The following PDE2A variants were observed in gnomAD, a reference collection of about 807,000 sequenced individuals.
PDE2A encodes phosphodiesterase 2A, also known as cGMP-dependent 3',5'-cyclic phosphodiesterase.
A neutral mutation model predicts 133.6 loss-of-function variants in PDE2A; 53 were observed. That is an observed-to-expected ratio of 0.40 (90% CI 0.32 to 0.50). The LOEUF is 0.50. Ranked by LOEUF, PDE2A falls within the 20% of genes least tolerant of loss-of-function variation. PDE2A has a pLI of 0.73. For synonymous variants in PDE2A, 491 were observed against 490.2 expected (o/e 1.00, Z -0.02); for missense variants, 796 against 1,232.4 (o/e 0.65, Z 5.30).
At chr11:72,665,860 T>A (rs1315863450) in intron 1 of PDE2A, among the ~76,000 whole-genome samples, 1 of 149,820 alleles carries the variant, frequency 6.7e-6, no homozygotes, top group Non-Finnish European at 1.5e-5. Flanking sequence ...CAAAGAGAGA[T>A]AACAGAGAAA....
intron 2 of PDE2A, among the ~76,000 whole-genome samples, chr11:72,633,902 G>A (rs1282719597): frequency 6.6e-6 from 1 of 152,196 alleles, no homozygotes; most frequent in Non-Finnish European, 1.5e-5. Flanking sequence ...GATGCCAAGG[G>A]CAGTGTGCAC....
chr11:72,614,682 T>C (rs1857374431), intron 2 of PDE2A, among the ~76,000 whole-genome samples: 1 of 152,216 alleles, frequency 6.6e-6, no homozygotes, highest in African/African-American at 2.4e-5. Flanking sequence ...ACTGACACTA[T>C]CTTGGATCCT....
chr11:72,577,662 G>A (rs947509981), intron 30 of PDE2A, 68 bp from the exon 31 acceptor site: 4 of 1,140,134 alleles, frequency 3.5e-6, no homozygotes, highest in Non-Finnish European at 5.2e-6. Flanking sequence ...GAAAGACTAG[G>A]GCTACACAAC....
intron 1 of PDE2A, chr11:72,643,006 G>A (rs949171448): frequency 1.7e-4 from 26 of 154,518 alleles, no homozygotes; most frequent in Admixed American, 1.6e-3. Flanking sequence ...GCGCACACAC[G>A]GCGGCCGCCA....
intron 4 of PDE2A, among the ~76,000 whole-genome samples, chr11:72,602,587 C>T (rs1429695978): frequency 6.6e-6 from 1 of 152,160 alleles, no homozygotes; most frequent in African/African-American, 2.4e-5. Context: ...TGTACCCAAC[C>T]CCACCCATTT....
At chr11:72,615,988 T>C (rs1379530832) in intron 2 of PDE2A, among the ~76,000 whole-genome samples, 2 of 152,052 alleles carry the variant, frequency 1.3e-5, no homozygotes, top group African/African-American at 2.4e-5. Context: ...AGCTCTGAGT[T>C]TGGTGACCCT....
chr11:72,578,021 G>A lies in PDE2A; in HGVS notation c.2615+212C>T, dbSNP rs1855543880. ...AATGTGAGACAGAGGAGGACACCTA[G>A]GAAAGCATGATGGTCTCTTTCCACT... On this transcript the variant is annotated intron_variant, in intron 30 of 30. Coordinates refer to ENST00000334456, the MANE Select transcript of PDE2A (RefSeq NM_002599.5). The surrounding 1 kb of genome is among the most constrained non-coding windows in gnomAD (Gnocchi z 4.2). Among the ~76,000 whole-genome samples, 1 of 152,192 alleles carries A rather than the reference G, an allele frequency of 6.6e-6. No homozygotes were observed. Among genetic ancestry groups the A allele is most frequent in the South Asian group, 2.1e-4 (1 of 4,832 alleles).
At chr11:72,579,666 A>AC in intron 25 of PDE2A, 58 bp from the exon 26 acceptor site, 1 of 1,216,684 alleles carries the variant, frequency 8.2e-7, no homozygotes, top group Non-Finnish European at 1.2e-6. Context: ...CTTACCATTG[A>AC]CCCCAAGAGA....
intron 13 of PDE2A, chr11:72,588,032 GC>G (rs1411449658): frequency 6.6e-6 from 1 of 152,264 alleles, no homozygotes; most frequent in African/African-American, 2.4e-5. Flanking sequence ...TCAGGACTCA[GC>G]CCCTCATCTG....
chr11:72,594,917 C>G (rs79781628), intron 6 of PDE2A, among the ~76,000 whole-genome samples: 7 of 152,124 alleles, frequency 4.6e-5, no homozygotes, highest in Admixed American at 1.3e-4. Flanking sequence ...TGCCTTCCCC[C>G]AGACTGAGAG....
At chr11:72,594,678 C>T in intron 6 of PDE2A, among the ~76,000 whole-genome samples, 1 of 152,102 alleles carries the variant, frequency 6.6e-6, no homozygotes, top group Non-Finnish European at 1.5e-5. Flanking sequence ...CACACTCTCC[C>T]CTCAGCACAC....
intron 1 of PDE2A, among the ~76,000 whole-genome samples, chr11:72,665,157 T>TGGG (rs1405812620): frequency 6.6e-6 from 1 of 151,908 alleles, no homozygotes; most frequent in Non-Finnish European, 1.5e-5. Flanking sequence ...AAGGAGGTGG[T>TGGG]ACCCAATTGC....
chr11:72,638,175 C>T (rs1591115305), intron 2 of PDE2A, among the ~76,000 whole-genome samples: 2 of 152,328 alleles, frequency 1.3e-5, no homozygotes, highest in East Asian at 1.9e-4. Flanking sequence ...ACACCAGCCG[C>T]GCCACCCTGC....
intron 4 of PDE2A, among the ~76,000 whole-genome samples, chr11:72,600,622 G>A (rs1051709209): frequency 6.6e-6 from 1 of 152,080 alleles, no homozygotes; most frequent in Admixed American, 6.5e-5. Flanking sequence ...CGGGAGCTTC[G>A]TCCACTGCTC....
intron 1 of PDE2A, among the ~76,000 whole-genome samples, chr11:72,671,622 G>T (rs554431302): frequency 2.6e-5 from 4 of 152,168 alleles, no homozygotes; most frequent in African/African-American, 9.6e-5. Flanking sequence ...ATGACTGCGG[G>T]GGGTGGGGGT....
intron 2 of PDE2A, among the ~76,000 whole-genome samples, chr11:72,640,171 G>A (rs1246655819): frequency 1.3e-5 from 2 of 150,890 alleles, no homozygotes; most frequent in African/African-American, 4.9e-5. Flanking sequence ...CACTCACACC[G>A]TCTCCCACCA....
intron 1 of PDE2A, among the ~76,000 whole-genome samples, chr11:72,655,099 G>A (rs1026970473): frequency 9.9e-5 from 15 of 152,202 alleles, no homozygotes; most frequent in African/African-American, 3.6e-4. Flanking sequence ...GCAGGAGCAG[G>A]GGAAGGGAGC....
At chr11:72,667,170 C>T (rs945647579) in intron 1 of PDE2A, among the ~76,000 whole-genome samples, 6 of 152,136 alleles carry the variant, frequency 3.9e-5, no homozygotes, top group South Asian at 2.1e-4. Context: ...CACTTTTATA[C>T]GAACACTGAC....
At chr11:72,647,503 ATGGACAAGGGC>A (rs1235870610) in intron 1 of PDE2A, among the ~76,000 whole-genome samples, 2 of 152,236 alleles carry the variant, frequency 1.3e-5, no homozygotes, top group Non-Finnish European at 2.9e-5. Context: ...GCCCAAAGAT[ATGGACAAGGGC>A]TGGATCCTGG....
Sources: gnomAD v4.1 joint callset for allele counts (sites outside exome capture counted in the v4.1 genomes callset) on GRCh38, gnomAD v4.1.1 for gene constraint, Gnocchi (gnomAD v3.1) non-coding constraint, MANE v1.5 for transcripts, NCBI Gene and HGNC (gene_info 2026-07-23, HGNC 2026-07-21) for gene names.